CTIF: variants seen among roughly 807,000 people sequenced by gnomAD.
The protein encoded by CTIF is cap binding complex dependent translation initiation factor.
In CTIF, 21 loss-of-function variants were observed where a neutral mutation model predicts 66.0. That is an observed-to-expected ratio of 0.32 (90% CI 0.23 to 0.46). CTIF has a LOEUF of 0.46. Among genes scored for constraint, CTIF ranks in the 20% least tolerant of loss-of-function variants. The pLI, the probability that CTIF is intolerant of heterozygous loss-of-function variation, is 1.00. For synonymous variants in CTIF, 345 were observed against 326.4 expected (o/e 1.06, Z -0.62); for missense variants, 739 against 812.7 (o/e 0.91, Z 1.10).
intron 9 of CTIF, among the ~76,000 whole-genome samples, chr18:48,779,921 G>A (rs1911053583): frequency 6.6e-6 from 1 of 152,182 alleles, no homozygotes; most frequent in South Asian, 2.1e-4. Context: ...GGTGAAGGTG[G>A]GCCCTGGTCT....
intron 7 of CTIF, among the ~76,000 whole-genome samples, chr18:48,747,082 A>C (rs991189755): frequency 1.2e-4 from 19 of 152,166 alleles, no homozygotes; most frequent in Non-Finnish European, 2.6e-4. Context: ...CTGAGCCCCG[A>C]CACGTAACAA....
chr18:48,681,102 C>T (rs2145145513), intron 6 of CTIF, among the ~76,000 whole-genome samples: 1 of 152,354 alleles, frequency 6.6e-6, no homozygotes, highest in Non-Finnish European at 1.5e-5. Context: ...ATTGCAGCGG[C>T]CAGGCAGGAG....
At chr18:48,601,653 G>T (rs968925587) in intron 1 of CTIF, among the ~76,000 whole-genome samples, 23 of 152,216 alleles carry the variant, frequency 1.5e-4, no homozygotes, top group Admixed American at 1.4e-3. Context: ...GCAGGGTTCT[G>T]AGATGGCATT....
chr18:48,753,779 A>G (rs1908068601), intron 7 of CTIF, among the ~76,000 whole-genome samples: 1 of 152,194 alleles, frequency 6.6e-6, no homozygotes, highest in South Asian at 2.1e-4. Flanking sequence ...GGTGTCCAGT[A>G]TGTTTCCCAA....
intron 10 of CTIF, among the ~76,000 whole-genome samples, chr18:48,850,456 G>T (rs2069176120): frequency 6.6e-6 from 1 of 152,184 alleles, no homozygotes; most frequent in Non-Finnish European, 1.5e-5. Flanking sequence ...CTCCGTACTG[G>T]CAGGGATTCG....
At chr18:48,594,483 A>G (rs1462335709) in intron 1 of CTIF, among the ~76,000 whole-genome samples, 2 of 152,122 alleles carry the variant, frequency 1.3e-5, no homozygotes, top group Non-Finnish European at 2.9e-5. Context: ...GCAGAGGCCC[A>G]GGGGCTGAGG....
chr18:48,737,940 C>T (rs1267085442), intron 7 of CTIF, among the ~76,000 whole-genome samples: 3 of 152,240 alleles, frequency 2.0e-5, no homozygotes, highest in Admixed American at 6.5e-5. Context: ...GCATCCAGAC[C>T]GGCTCCTTGG....
At chr18:48,723,681 G>A (rs938443658) in intron 7 of CTIF, among the ~76,000 whole-genome samples, 2 of 152,154 alleles carry the variant, frequency 1.3e-5, no homozygotes, top group African/African-American at 2.4e-5. Flanking sequence ...GAGCATGAGG[G>A]TGCCTTTCAC....
rs73956993 is a variant in CTIF at position 48,639,852 on chromosome 18, C to T, written c.252+3167C>T. ...TCATACCCACGTCCATGCATCTGCCCGTGGGGACACCCACCTGGGTTTCCT... is the reference window on the plus strand; with the variant it reads ...TCATACCCACGTCCATGCATCTGCCTGTGGGGACACCCACCTGGGTTTCCT... On this transcript the variant is annotated intron_variant, in intron 3 of 11. Coordinates refer to ENST00000256413, the MANE Select transcript of CTIF (RefSeq NM_014772.3). 3.7e-3 allele frequency among the ~76,000 whole-genome samples: 558 copies of T among 152,266 alleles called. 1 individual carries two copies. Among genetic ancestry groups the T allele is most frequent in the African/African-American group, 0.013 (540 of 41,552 alleles).
At chr18:48,683,093 G>C (rs1466732211) in intron 6 of CTIF, 1 of 152,200 alleles carries the variant, frequency 6.6e-6, no homozygotes, top group African/African-American at 2.4e-5. Context: ...CCTGCGTGCA[G>C]AACCTCTGCA....
At chr18:48,688,076 G>A (rs925319481) in intron 6 of CTIF, among the ~76,000 whole-genome samples, 4 of 152,182 alleles carry the variant, frequency 2.6e-5, no homozygotes, top group Admixed American at 1.3e-4. Flanking sequence ...CTACCCTTAA[G>A]GAAAGTCAAG....
At position 48,663,737 on chromosome 18, in the gene CTIF, C is replaced by T. The variant is rs2091386483; in HGVS notation, c.253-15C>T. Reference sequence around the variant, plus strand: ...GAGCAATTAATGTCAGCCCTTTCACCCCCATCTCTTCCAGAATGGCAGCAA... The same window carrying T: ...GAGCAATTAATGTCAGCCCTTTCACTCCCATCTCTTCCAGAATGGCAGCAA... On this transcript the variant is annotated splice_polypyrimidine_tract_variant and intron_variant, in intron 3 of 11. Coordinates refer to ENST00000256413, the MANE Select transcript of CTIF (RefSeq NM_014772.3). 1.2e-6 allele frequency: 2 copies of T among 1,613,262 alleles called. No homozygotes were observed. The highest frequency in any genetic ancestry group is 8.5e-7 in the Non-Finnish European group (1 of 1,179,314).
chr18:48,766,152 T>C, intron 9 of CTIF, among the ~76,000 whole-genome samples: 1 of 135,522 alleles, frequency 7.4e-6, no homozygotes, highest in Non-Finnish European at 1.5e-5. Context: ...GCCAAGCATG[T>C]TGTCTTTATT....
intron 1 of CTIF, among the ~76,000 whole-genome samples, chr18:48,618,784 G>A (rs1471353587): frequency 3.3e-5 from 5 of 152,248 alleles, no homozygotes; most frequent in Non-Finnish European, 5.9e-5. Flanking sequence ...TCTATGCCGC[G>A]CTGCCCCAGA....
chr18:48,790,311 A>G (rs2067763538), intron 9 of CTIF, among the ~76,000 whole-genome samples: 1 of 152,266 alleles, frequency 6.6e-6, no homozygotes, highest in Non-Finnish European at 1.5e-5. Context: ...ATACAGAGGA[A>G]GTGTCCAACA....
intron 1 of CTIF, among the ~76,000 whole-genome samples, chr18:48,575,727 G>A (rs144083624): frequency 5.3e-5 from 8 of 152,186 alleles, no homozygotes; most frequent in African/African-American, 1.7e-4. Context: ...TCCCTGCCCC[G>A]GATGCCTTTT....
At chr18:48,690,940 C>T (rs2091916495) in intron 6 of CTIF, among the ~76,000 whole-genome samples, 1 of 152,138 alleles carries the variant, frequency 6.6e-6, no homozygotes, top group Non-Finnish European at 1.5e-5. Flanking sequence ...TCTGAGAGGG[C>T]AGCAGTAAAT....
At chr18:48,646,901 C>CAAAAA (rs35904615) in intron 3 of CTIF, among the ~76,000 whole-genome samples, 51 of 77,952 alleles carry the variant, frequency 6.5e-4, no homozygotes, top group African/African-American at 9.5e-4. Flanking sequence ...TTGGCAGTTT[C>CAAAAA]AAAAAAAAAA....
At position 48,696,831 on chromosome 18, in the gene CTIF, CAG is replaced by C. The variant is rs577298431; in HGVS notation, c.508-14787_508-14786del. Among the ~76,000 whole-genome samples the C allele has an allele frequency of 8.5e-5, 13 of 152,344 alleles. 1 individual carries two copies. In the South Asian group the frequency reaches 2.5e-3, roughly 29 times the overall value. ...TCAGAAGTGAGACACTTGTTACACA[CAG>C]GGGGCCTGTGGAGCTAAGTAGTGGG... On this transcript the variant is annotated intron_variant, in intron 6 of 11. Transcript: ENST00000256413.
Sources: allele counts gnomAD v4.1 joint callset (sites outside exome capture counted in the v4.1 genomes callset), GRCh38; gene constraint gnomAD v4.1.1; transcripts MANE v1.5; gene names NCBI Gene and HGNC (gene_info 2026-07-23, HGNC 2026-07-21).